IQSEC2: variants seen among roughly 807,000 people sequenced by gnomAD.
IQSEC2 encodes IQ motif and SEC7 domain-containing protein 2.
Under a neutral mutation model 74.6 loss-of-function variants are expected in IQSEC2, and 6 were observed. The observed-to-expected ratio is 0.08, with a 90% CI of 0.04 to 0.16. The LOEUF (loss-of-function observed/expected upper bound fraction) is 0.16. Among genes scored for constraint, IQSEC2 ranks in the 10% least tolerant of loss-of-function variants. IQSEC2 has a pLI of 1.00. For synonymous variants in IQSEC2, 494 were observed against 544.5 expected (o/e 0.91, Z 1.29); for missense variants, 734 against 1,306.2 (o/e 0.56, Z 6.75).
At chrX:53,264,109 AC>A (rs1270390052) in intron 2 of IQSEC2, among the ~76,000 whole-genome samples, 2 of 112,416 alleles carry the variant, frequency 1.8e-5, no homozygotes, top group Non-Finnish European at 3.8e-5. Flanking sequence ...CCAGACACAG[AC>A]ATCAAGGCTG....
rs782035546 is a variant in IQSEC2, at chrX:53,265,595, A to T, written c.738-9534T>A. ...CAGATTTGTCTAATACCAAAGGCTC[A>T]GACAGGAAAAGTCGGGGGTATGAGC... On this transcript the variant is annotated intron_variant, in intron 2 of 14. Transcript: ENST00000642864. Among the ~76,000 whole-genome samples the T allele has an allele frequency of 2.7e-5, 3 of 111,747 alleles. No homozygotes were observed. The South Asian group carries it at 1.1e-3, about 42-fold the overall frequency.
chrX:53,244,999 A>T (rs1237468548), intron 8 of IQSEC2, among the ~76,000 whole-genome samples: 1 of 110,507 alleles, frequency 9.0e-6, no homozygotes, highest in Non-Finnish European at 1.9e-5. Context: ...AGGGAAAAAG[A>T]ATGGATGAAT....
Position 53,247,122 on chromosome X carries a change from C to T in IQSEC2, c.2596G>A (p.Val866Ile). Residue 866 changes from valine to isoleucine, a missense_variant, in exon 8 of 15, where the codon GTC becomes ATC. By Grantham distance (29) the Val-to-Ile change is conservative. Transcript: ENST00000642864. ...TGGCGCACGAGGGCTGGGTTACAGA[C>T]ACAGTACCGCTGGCTGCAGGGCAGG... is the stretch of plus-strand genomic sequence containing the variant. Reference protein sequence around the residue: ...LIEAFSQRYCVCNPALVRQFR... With the variant: ...LIEAFSQRYCICNPALVRQFR... 8.3e-7 allele frequency: 1 copy of T among 1,210,500 alleles called. No individual in the cohort carries two copies. Among genetic ancestry groups the T allele is most frequent in the African/African-American group, 1.7e-5 (1 of 57,695 alleles).
intron 2 of IQSEC2, among the ~76,000 whole-genome samples, chrX:53,276,061 C>T (rs1255098707): frequency 9.0e-6 from 1 of 111,344 alleles, no homozygotes; most frequent in Non-Finnish European, 1.9e-5. Flanking sequence ...TCTGAATGAA[C>T]TTTAAACTCC....
At chrX:53,251,880 C>T (rs892534131) in intron 4 of IQSEC2, among the ~76,000 whole-genome samples, 19 of 111,646 alleles carry the variant, frequency 1.7e-4, no homozygotes, top group Admixed American at 8.5e-4. Flanking sequence ...GGCAACATGG[C>T]GAGACTCTAT....
chrX:53,281,569 TCCACCGTGTCA>T, intron 2 of IQSEC2: 2 of 1,136,350 alleles, frequency 1.8e-6, no homozygotes, highest in Non-Finnish European at 2.3e-6. Context: ...AGCCGGTGTC[TCCACCGTGTCA>T]CCACCCCCTC....
At chrX:53,267,838 G>A (rs1345976829) in intron 2 of IQSEC2, among the ~76,000 whole-genome samples, 2 of 111,927 alleles carry the variant, frequency 1.8e-5, no homozygotes, top group African/African-American at 3.3e-5. Context: ...AACCTCCCAG[G>A]ACTGTTGCAA....
intron 1 of IQSEC2, 101 bp from the exon 2 acceptor site, chrX:53,292,025 C>A: frequency 1.5e-6 from 1 of 668,652 alleles, no homozygotes; most frequent in Non-Finnish European, 2.3e-6. Context: ...AGGCCTAATG[C>A]ACATCACAAA....
chrX:53,263,546 C>T (rs1388043965), intron 2 of IQSEC2, among the ~76,000 whole-genome samples: 1 of 110,573 alleles, frequency 9.0e-6, no homozygotes, highest in Non-Finnish European at 1.9e-5. Context: ...AATTCCTAGA[C>T]TACAGCAAGC....
chrX:53,307,233 T>C (rs1194607727), intron 1 of IQSEC2, among the ~76,000 whole-genome samples: 4 of 108,303 alleles, frequency 3.7e-5, no homozygotes, highest in Non-Finnish European at 7.6e-5. Flanking sequence ...CCTGGATACA[T>C]AGGCAGCTCA....
chrX:53,310,849 A>C (rs1556877848), intron 1 of IQSEC2, among the ~76,000 whole-genome samples: 3 of 110,082 alleles, frequency 2.7e-5, no homozygotes, highest in Non-Finnish European at 5.7e-5. Flanking sequence ...CACTGGGCGC[A>C]GTGGCTCACA....
intron 5 of IQSEC2, 78 bp downstream of exon 5, chrX:53,250,201 G>T (rs868933927): frequency 2.0e-6 from 2 of 1,014,886 alleles, no homozygotes; most frequent in Non-Finnish European, 2.8e-6. Flanking sequence ...GGATCACTGT[G>T]TGGAGTTCTG....
intron 10 of IQSEC2, among the ~76,000 whole-genome samples, chrX:53,240,494 G>T (rs2074200867): frequency 8.9e-6 from 1 of 112,726 alleles, no homozygotes; most frequent in Non-Finnish European, 1.9e-5. Flanking sequence ...TCTTGGAGCA[G>T]AGGTACAACA....
In IQSEC2 at chrX:53,233,611, G is replaced by A; in HGVS notation, c.*608C>T. ...AGACTGGCTCGAGAGAGGAAGCACT[G>A]CCCCACGTGGGGCCAACACAAGCAG... On this transcript the variant is annotated 3_prime_UTR_variant, in exon 15 of 15. Coordinates refer to ENST00000642864, the MANE Select transcript of IQSEC2 (RefSeq NM_001111125.3). The A allele has an allele frequency of 4.3e-6, 1 of 235,082 alleles. No homozygotes were observed. The highest frequency in any genetic ancestry group is 7.7e-6 in the Non-Finnish European group (1 of 130,687). 19.4% of individuals were successfully genotyped at this position (235,082 alleles called of 1,213,427 possible). A position where few individuals can be genotyped will look rare whatever the true frequency, so the allele number is the denominator to read the frequency against.
intron 2 of IQSEC2, among the ~76,000 whole-genome samples, chrX:53,280,431 G>C (rs955986592): frequency 1.8e-5 from 2 of 111,036 alleles, no homozygotes; most frequent in Non-Finnish European, 3.8e-5. Flanking sequence ...GGGCGAGACA[G>C]AAGACACAGA....
intron 1 of IQSEC2, among the ~76,000 whole-genome samples, chrX:53,301,252 C>T (rs782007463): frequency 8.9e-6 from 1 of 112,201 alleles, no homozygotes; most frequent in Non-Finnish European, 1.9e-5. Flanking sequence ...GCCACAGCCT[C>T]TGAAGGCCCA....
intron 4 of IQSEC2, among the ~76,000 whole-genome samples, chrX:53,251,390 GCTGAGA>G (rs1473246241): frequency 9.1e-6 from 1 of 110,297 alleles, no homozygotes; most frequent in East Asian, 2.9e-4. Context: ...GCTCACAGGA[GCTGAGA>G]CTAATGCCCA....
rs782454192 is a variant in IQSEC2, at chrX:53,261,434, G to C, written c.738-5373C>G. Among the ~76,000 whole-genome samples, 7 of 109,150 alleles carry C rather than the reference G, an allele frequency of 6.4e-5. No homozygotes were observed. In the South Asian group the frequency reaches 2.8e-3, roughly 43 times the overall value. 94.8% of individuals were successfully genotyped at this position (109,150 alleles called of 115,157 possible). ...CTTTGGATTCCTGGACTTCAGAAACGGTCTGGGAGCACCCCCTCTCTGGAC... is the reference window on the plus strand; with the variant it reads ...CTTTGGATTCCTGGACTTCAGAAACCGTCTGGGAGCACCCCCTCTCTGGAC... On this transcript the variant is annotated intron_variant, in intron 2 of 14. Transcript: ENST00000642864.
chrX:53,235,572 G>A (rs1556859446), intron 14 of IQSEC2, among the ~76,000 whole-genome samples: 3 of 111,701 alleles, frequency 2.7e-5, no homozygotes, highest in South Asian at 3.8e-4. Context: ...GGGTTGAGAG[G>A]GGGCACGGGA....
Sources: allele counts gnomAD v4.1 joint callset (sites outside exome capture counted in the v4.1 genomes callset), GRCh38; gene constraint gnomAD v4.1.1; transcripts MANE v1.5; gene names NCBI Gene and HGNC (gene_info 2026-07-23, HGNC 2026-07-21).